Variants in ADCY8 observed in about 807,000 individuals in gnomAD.
The protein encoded by ADCY8 is adenylate cyclase type 8.
A neutral mutation model predicts 119.7 loss-of-function variants in ADCY8; 51 were observed. The observed-to-expected ratio is 0.43, with a 90% CI of 0.34 to 0.54. ADCY8 has a LOEUF of 0.54. ADCY8 is among the 20% of genes least tolerant of loss of function. The pLI is 0.03. For missense variants in ADCY8, 1,383 were observed against 1,598.8 expected (o/e 0.87, Z 2.30); for synonymous variants, 665 against 651.0 (o/e 1.02, Z -0.33).
At chr8:130,861,844 A>G (rs1817940907) in intron 9 of ADCY8, among the ~76,000 whole-genome samples, 1 of 151,956 alleles carries the variant, frequency 6.6e-6, no homozygotes, top group Non-Finnish European at 1.5e-5. Context: ...AAGTTGTAGA[A>G]GTTCCCTTCT....
chr8:130,807,135 C>T (rs776977732), intron 14 of ADCY8, among the ~76,000 whole-genome samples: 2 of 152,172 alleles, frequency 1.3e-5, no homozygotes, highest in South Asian at 2.1e-4. Context: ...GCATGCGCTC[C>T]GTCGCACACC....
chr8:130,827,045 C>A (rs899586702), intron 12 of ADCY8, among the ~76,000 whole-genome samples: 1 of 151,916 alleles, frequency 6.6e-6, no homozygotes, highest in Non-Finnish European at 1.5e-5. Context: ...GCACATGTAC[C>A]CCAGAACTTA....
At chr8:130,869,958 TCTTC>T (rs1818283503) in intron 8 of ADCY8, among the ~76,000 whole-genome samples, 1 of 78,216 alleles carries the variant, frequency 1.3e-5, no homozygotes, top group Non-Finnish European at 2.5e-5. Flanking sequence ...TTCTTCTTCT[TCTTC>T]CTTCTTCCTT....
At chr8:130,804,576 T>A (rs1033992290) in intron 14 of ADCY8, among the ~76,000 whole-genome samples, 1 of 152,164 alleles carries the variant, frequency 6.6e-6, no homozygotes, top group African/African-American at 2.4e-5. Flanking sequence ...AAAGAGAAGA[T>A]CCTACCCTCT....
At chr8:130,913,496 T>C (rs1367319733) in intron 5 of ADCY8, among the ~76,000 whole-genome samples, 2 of 152,082 alleles carry the variant, frequency 1.3e-5, no homozygotes, top group African/African-American at 4.8e-5. Context: ...GCAGAGGTAA[T>C]ATGTGTCACT....
In ADCY8 at chr8:130,936,663, T is replaced by A. The variant is rs75095967; in HGVS notation, c.1481+410A>T. The stretch of plus-strand genomic sequence containing the variant: ...CCCCAACATCCTACGTTGAATTAAC[T>A]TCCTCCTCTATTTTCCCCAAGCACT... On this transcript the variant is annotated intron_variant, in intron 5 of 17. Transcript: ENST00000286355. Among the ~76,000 whole-genome samples, 125 of 152,286 alleles carry A rather than the reference T, an allele frequency of 8.2e-4. No individual in the cohort carries two copies. In the East Asian group the frequency reaches 0.024, roughly 29 times the overall value.
chr8:130,999,615 A>G (rs1395950227), intron 1 of ADCY8, among the ~76,000 whole-genome samples: 1 of 152,150 alleles, frequency 6.6e-6, no homozygotes, highest in African/African-American at 2.4e-5. Context: ...TATTTTCTTC[A>G]TAGCACACTT....
intron 14 of ADCY8, among the ~76,000 whole-genome samples, chr8:130,810,845 A>G (rs1398408800): frequency 1.3e-5 from 2 of 152,204 alleles, no homozygotes; most frequent in Non-Finnish European, 2.9e-5. Context: ...GAGTCTCAGC[A>G]TGCGTCTCTG....
intron 14 of ADCY8, among the ~76,000 whole-genome samples, chr8:130,811,358 C>T (rs984251234): frequency 2.6e-5 from 4 of 152,164 alleles, no homozygotes; most frequent in Admixed American, 6.5e-5. Flanking sequence ...CTTTTAGGGG[C>T]GCTACAGGTA....
At chr8:131,036,014 T>C (rs559187918) in intron 1 of ADCY8, among the ~76,000 whole-genome samples, 1 of 152,286 alleles carries the variant, frequency 6.6e-6, no homozygotes, top group Non-Finnish European at 1.5e-5. Flanking sequence ...TCTTAAGTAG[T>C]AAAAGAAGTA....
chr8:130,969,402 GCT>G (rs1254520516), intron 2 of ADCY8, among the ~76,000 whole-genome samples: 1 of 151,560 alleles, frequency 6.6e-6, no homozygotes, highest in East Asian at 1.9e-4. Context: ...TTAAAATAAA[GCT>G]CTCTTTCTTT....
chr8:130,846,461 G>A (rs1041610356), intron 11 of ADCY8, among the ~76,000 whole-genome samples: 1 of 152,026 alleles, frequency 6.6e-6, no homozygotes, highest in Non-Finnish European at 1.5e-5. Flanking sequence ...GTTAAGTTTA[G>A]TTCTAATTTT....
chr8:130,783,811 G>A lies in ADCY8; in HGVS notation c.3154-6C>T, dbSNP rs982206732. 1.9e-6 allele frequency: 3 copies of A among 1,602,682 alleles called. No homozygotes were observed. Among genetic ancestry groups the A allele is most frequent in the African/African-American group, 1.3e-5 (1 of 74,546 alleles). Reference sequence around the variant, plus strand: ...CCCCACTTGTCTTCACATTGCTGAAGCAAACATGAGGAGAAGAAATCATTT... The same window carrying A: ...CCCCACTTGTCTTCACATTGCTGAAACAAACATGAGGAGAAGAAATCATTT... On this transcript the variant is annotated splice_polypyrimidine_tract_variant and splice_region_variant and intron_variant, in intron 16 of 17. Coordinates refer to ENST00000286355, the MANE Select transcript of ADCY8 (RefSeq NM_001115.3).
intron 5 of ADCY8, among the ~76,000 whole-genome samples, 192 bp from the exon 6 acceptor site, chr8:130,910,058 A>C (rs1393265888): frequency 6.6e-6 from 1 of 150,456 alleles, no homozygotes; most frequent in Non-Finnish European, 1.5e-5. Context: ...GATGGTCTCG[A>C]TCTCCTGACC....
chr8:131,031,528 A>G (rs1225427857), intron 1 of ADCY8, among the ~76,000 whole-genome samples: 1 of 152,148 alleles, frequency 6.6e-6, no homozygotes, highest in Admixed American at 6.5e-5. Context: ...CTCATAAAGC[A>G]TGTGTTGGAA....
chr8:130,910,513 C>A (rs1238153120), intron 5 of ADCY8, among the ~76,000 whole-genome samples: 3 of 152,136 alleles, frequency 2.0e-5, no homozygotes, highest in Non-Finnish European at 2.9e-5. Flanking sequence ...TCCTTCTAAA[C>A]ACAAATGTGA....
chr8:130,971,142 T>G (rs1181257658), intron 2 of ADCY8, among the ~76,000 whole-genome samples: 2 of 152,218 alleles, frequency 1.3e-5, no homozygotes, highest in Non-Finnish European at 2.9e-5. Context: ...CCTTGCTTGC[T>G]GAATATCTCT....
rs574613010 is a variant in ADCY8 at position 130,983,175 on chromosome 8, A to C, written c.1110+7218T>G. ...CAACAATGGATGGTAAAGCACCCCA[A>C]GGTTAGGAAGGGCAGGCAGCTACAA... On this transcript the variant is annotated intron_variant, in intron 2 of 17. Coordinates refer to ENST00000286355, the MANE Select transcript of ADCY8 (RefSeq NM_001115.3). 2.6e-5 allele frequency among the ~76,000 whole-genome samples: 4 copies of C among 152,368 alleles called. No individual in the cohort carries two copies. The East Asian group carries it at 7.7e-4, about 29-fold the overall frequency.
At chr8:130,907,252 C>T (rs924362093) in intron 6 of ADCY8, among the ~76,000 whole-genome samples, 7 of 152,068 alleles carry the variant, frequency 4.6e-5, no homozygotes, top group African/African-American at 1.7e-4. Flanking sequence ...GGCAGTGGGG[C>T]CCAGCAAGCT....
Sources: gnomAD v4.1 joint callset for allele counts (sites outside exome capture counted in the v4.1 genomes callset) on GRCh38, gnomAD v4.1.1 for gene constraint, MANE v1.5 for transcripts, NCBI Gene and HGNC (gene_info 2026-07-23, HGNC 2026-07-21) for gene names.